The following ZCCHC7 variants were observed in gnomAD, a reference collection of about 807,000 sequenced individuals.
ZCCHC7 encodes the protein zinc finger CCHC domain-containing protein 7.
A neutral mutation model predicts 52.0 loss-of-function variants in ZCCHC7; 35 were observed. That is an observed-to-expected ratio of 0.67 (90% CI 0.51 to 0.89). The LOEUF is 0.89. Ranked by LOEUF, ZCCHC7 falls within the 40% of genes least tolerant of loss-of-function variation. The probability of loss-of-function intolerance (pLI) is 0.00; values close to 1 mark genes in which losing one functional copy is unlikely to be tolerated. For missense variants in ZCCHC7, 574 were observed against 649.1 expected, an observed-to-expected ratio of 0.88 and a Z score of 1.26; for synonymous variants, 217 against 221.5, an observed-to-expected ratio of 0.98 and a Z score of 0.18.
chr9:37,129,377 TTA>T (rs1193620073), intron 2 of ZCCHC7, among the ~76,000 whole-genome samples: 1 of 152,254 alleles, frequency 6.6e-6, no homozygotes, highest in Non-Finnish European at 1.5e-5. Flanking sequence ...TACTTGACTC[TTA>T]TAAACTCTTA....
At chr9:37,301,957 A>C (rs76032924) in intron 2 of ZCCHC7, among the ~76,000 whole-genome samples, 7,739 of 152,216 alleles carry the variant, frequency 0.051, 643 homozygotes, top group African/African-American at 0.17. Context: ...GCAGACAGGG[A>C]AAATACTATT....
At chr9:37,221,545 T>C (rs1824811978) in intron 2 of ZCCHC7, among the ~76,000 whole-genome samples, 1 of 152,218 alleles carries the variant, frequency 6.6e-6, no homozygotes, top group African/African-American at 2.4e-5. Flanking sequence ...ATAGTCAATA[T>C]TGAATTCCAC....
intron 2 of ZCCHC7, among the ~76,000 whole-genome samples, chr9:37,280,250 TCTC>T (rs1244729511): frequency 6.6e-6 from 1 of 151,958 alleles, no homozygotes; most frequent in African/African-American, 2.4e-5. Flanking sequence ...GATTAAAGGA[TCTC>T]CTCATCATAG....
chr9:37,175,974 T>C (rs1404231786), intron 2 of ZCCHC7, among the ~76,000 whole-genome samples: 1 of 152,250 alleles, frequency 6.6e-6, no homozygotes, highest in Non-Finnish European at 1.5e-5. Context: ...TGTAAGAGGT[T>C]GAACAACAAG....
At chr9:37,279,313 C>T (rs1270902925) in intron 2 of ZCCHC7, among the ~76,000 whole-genome samples, 1 of 150,344 alleles carries the variant, frequency 6.7e-6, no homozygotes, top group Non-Finnish European at 1.5e-5. Context: ...CATTTGGTGA[C>T]AAGTTTTTTA....
intron 2 of ZCCHC7, among the ~76,000 whole-genome samples, chr9:37,228,835 C>CTTT (rs573237575): frequency 2.3e-5 from 3 of 130,470 alleles, no homozygotes; most frequent in African/African-American, 2.9e-5. Flanking sequence ...AAAGAGGGAA[C>CTTT]TTTTTTTTTT....
intron 2 of ZCCHC7, among the ~76,000 whole-genome samples, chr9:37,153,070 C>T (rs957020988): frequency 1.3e-5 from 2 of 152,030 alleles, no homozygotes; most frequent in African/African-American, 4.8e-5. Context: ...TTTGGGAGTG[C>T]TTTCAGTTGG....
chr9:37,325,079 G>C (rs1830188511), intron 5 of ZCCHC7, among the ~76,000 whole-genome samples: 1 of 152,292 alleles, frequency 6.6e-6, no homozygotes. Flanking sequence ...AATTCATCTG[G>C]TGTGGCAAAC....
chr9:37,145,188 G>A (rs1843385065), intron 2 of ZCCHC7, among the ~76,000 whole-genome samples: 1 of 151,866 alleles, frequency 6.6e-6, no homozygotes, highest in Non-Finnish European at 1.5e-5. Context: ...TTTAACAGCA[G>A]TACTTTTAAA....
chr9:37,269,634 A>C lies in ZCCHC7; in HGVS notation c.611-32554A>C, dbSNP rs1016297427. Among the ~76,000 whole-genome samples the C allele has an allele frequency of 3.2e-3, 484 of 149,744 alleles. 2 individuals carry two copies. Among genetic ancestry groups the C allele is most frequent in the African/African-American group, 0.011 (445 of 40,848 alleles). ...ACTCTGTCTCAAAAAAAAAAAAAAA[A>C]AAAAAAAAAAAACAAAAGAAGTTCT... is the stretch of plus-strand genomic sequence containing the variant. On this transcript the variant is annotated intron_variant, in intron 2 of 8. Coordinates refer to ENST00000336755, the MANE Select transcript of ZCCHC7 (RefSeq NM_032226.3).
intron 6 of ZCCHC7, among the ~76,000 whole-genome samples, chr9:37,347,977 C>T (rs1484904159): frequency 6.6e-6 from 1 of 152,206 alleles, no homozygotes; most frequent in Non-Finnish European, 1.5e-5. Flanking sequence ...TTCACAGGCT[C>T]CTCTGCCCAC....
At chr9:37,257,532 CCACTCTTCT>C (rs1477173988) in intron 2 of ZCCHC7, among the ~76,000 whole-genome samples, 1 of 152,088 alleles carries the variant, frequency 6.6e-6, no homozygotes, top group Non-Finnish European at 1.5e-5. Context: ...CAAAACAATG[CCACTCTTCT>C]CATTTCGGAA....
chr9:37,242,322 C>T (rs376452661), intron 2 of ZCCHC7, among the ~76,000 whole-genome samples: 13 of 151,856 alleles, frequency 8.6e-5, no homozygotes, highest in African/African-American at 2.9e-4. Context: ...TTTTCTCTAG[C>T]ATCTAAGGTA....
At chr9:37,230,319 C>G (rs1317963551) in intron 2 of ZCCHC7, among the ~76,000 whole-genome samples, 1 of 152,074 alleles carries the variant, frequency 6.6e-6, no homozygotes, top group Non-Finnish European at 1.5e-5. Flanking sequence ...AAACATGACC[C>G]CAAACCTGTG....
At chr9:37,288,054 G>A (rs1427644138) in intron 2 of ZCCHC7, among the ~76,000 whole-genome samples, 7 of 152,090 alleles carry the variant, frequency 4.6e-5, no homozygotes, top group Non-Finnish European at 1.0e-4. Context: ...TGAGGTAGGT[G>A]GATGGCTTGA....
intron 2 of ZCCHC7, among the ~76,000 whole-genome samples, chr9:37,222,126 A>T (rs957490865): frequency 6.6e-6 from 1 of 152,124 alleles, no homozygotes; most frequent in Non-Finnish European, 1.5e-5. Flanking sequence ...TCCACAAAAT[A>T]ATCGATAACC....
At chr9:37,149,702 A>G (rs1040756227) in intron 2 of ZCCHC7, among the ~76,000 whole-genome samples, 2 of 152,170 alleles carry the variant, frequency 1.3e-5, no homozygotes, top group Non-Finnish European at 2.9e-5. Flanking sequence ...ACTTTAGGAT[A>G]ATATTTTATT....
intron 5 of ZCCHC7, among the ~76,000 whole-genome samples, chr9:37,317,077 T>A (rs1829856415): frequency 6.6e-6 from 1 of 152,102 alleles, no homozygotes; most frequent in Non-Finnish European, 1.5e-5. Context: ...AGCAAAATGA[T>A]GAAGAAAATT....
chr9:37,258,563 C>T (rs1826702943), intron 2 of ZCCHC7, among the ~76,000 whole-genome samples: 1 of 151,458 alleles, frequency 6.6e-6, no homozygotes, highest in Non-Finnish European at 1.5e-5. Context: ...TCGAGAGCAA[C>T]CTGGGCAACA....
Sources: allele counts gnomAD v4.1 joint callset (sites outside exome capture counted in the v4.1 genomes callset), GRCh38; gene constraint gnomAD v4.1.1; transcripts MANE v1.5; gene names NCBI Gene and HGNC (gene_info 2026-07-23, HGNC 2026-07-21).